Variants in CASD1 observed in about 807,000 individuals in gnomAD.
The protein encoded by CASD1 is CAS1 domain sialic acid O acetyltransferase 1, also known as N-acetylneuraminate (7)9-O-acetyltransferase.
Under a neutral mutation model 100.0 loss-of-function variants are expected in CASD1, and 41 were observed. The ratio of observed to expected loss-of-function variants is 0.41; its 90% CI spans 0.32 to 0.53. The LOEUF is 0.53. CASD1 is among the 20% of genes least tolerant of loss of function. CASD1 has a pLI of 0.25. For synonymous variants in CASD1, 321 were observed against 315.6 expected (o/e 1.02, Z -0.18); for missense variants, 774 against 948.7 (o/e 0.82, Z 2.42).
intron 3 of CASD1, among the ~76,000 whole-genome samples, chr7:94,525,249 A>C (rs537554460): frequency 1.3e-5 from 2 of 152,232 alleles, no homozygotes; most frequent in Non-Finnish European, 2.9e-5. Context: ...TTTAAAATTG[A>C]AAGTTGGAGA....
Position 94,555,719 on chromosome 7 carries a change from C to T in CASD1, c.2355C>T (p.Leu785=), listed in dbSNP as rs749147628. 1 of 1,613,074 alleles carries T rather than the reference C, an allele frequency of 6.2e-7. No homozygotes were observed. Among genetic ancestry groups the T allele is most frequent in the Non-Finnish European group, 8.5e-7 (1 of 1,179,480 alleles). The change falls in exon 18 of 18, where the codon CTC becomes CTT. Residue 785 remains leucine (L), a synonymous_variant. Transcript: ENST00000297273. ...LACIAAFFCG[L]LILSSIQDKS... Reference sequence around the variant, plus strand: ...GTATAGCTGCATTTTTTTGTGGACTCCTCATCTTATCATCCATTCAAGATA... The same window carrying T: ...GTATAGCTGCATTTTTTTGTGGACTTCTCATCTTATCATCCATTCAAGATA...
downstream of CASD1, among the ~76,000 whole-genome samples, chr7:94,560,460 G>A (rs1374937590): frequency 1.3e-5 from 2 of 152,152 alleles, no homozygotes; most frequent in East Asian, 3.9e-4. Context: ...TGGAACTGGA[G>A]CCCTTTCTCA....
chr7:94,563,865 C>T, the CASD1 span, among the ~76,000 whole-genome samples: 6 of 152,142 alleles, frequency 3.9e-5, no homozygotes, highest in African/African-American at 1.4e-4. Flanking sequence ...CATGTCTTGT[C>T]ATAGCCCTGA....
chr7:94,590,598 A>C, the CASD1 span: 2 of 152,206 alleles, frequency 1.3e-5, no homozygotes, highest in Non-Finnish European at 2.9e-5. Flanking sequence ...TTTGTAATAA[A>C]GTTTGATCCA....
the CASD1 span, chr7:94,588,306 C>A: frequency 9.4e-7 from 1 of 1,069,016 alleles, no homozygotes. Context: ...CAATGGTTTC[C>A]TTTTGTAAGA....
the CASD1 span, among the ~76,000 whole-genome samples, chr7:94,596,039 A>G: frequency 2.0e-4 from 30 of 152,252 alleles, no homozygotes; most frequent in Admixed American, 5.9e-4. Context: ...GAGCTTTTCC[A>G]TTAGCAGAAA....
At chr7:94,616,816 G>A in the CASD1 span, 4 of 152,098 alleles carry the variant, frequency 2.6e-5, no homozygotes, top group African/African-American at 9.7e-5. Context: ...AGACACACTG[G>A]AGTAATAGAG....
Position 94,555,942 on chromosome 7 carries a change from G to A in CASD1, c.*184G>A. Reference sequence around the variant, plus strand: ...TATTGGAAATGTACATATCCAATATGAAATACTAAAACAAACAAACAAACA... The same window carrying A: ...TATTGGAAATGTACATATCCAATATAAAATACTAAAACAAACAAACAAACA... On this transcript the variant is annotated 3_prime_UTR_variant, in exon 18 of 18. Coordinates refer to ENST00000297273, the MANE Select transcript of CASD1 (RefSeq NM_022900.5). 1.7e-6 allele frequency: 1 copy of A among 579,162 alleles called. No individual in the cohort carries two copies. Among genetic ancestry groups the A allele is most frequent in the Non-Finnish European group, 2.9e-6 (1 of 343,330 alleles). The allele number at this position is 579,162 out of a possible 1,614,324, so 35.9% of individuals were successfully genotyped here.
intron 14 of CASD1, among the ~76,000 whole-genome samples, chr7:94,549,931 A>G (rs1013452474): frequency 5.3e-5 from 8 of 152,096 alleles, no homozygotes; most frequent in Admixed American, 3.3e-4. Flanking sequence ...TGCTTCAGCC[A>G]TTCAAAACAA....
intron 17 of CASD1, among the ~76,000 whole-genome samples, chr7:94,554,848 A>G (rs569654530): frequency 6.6e-6 from 1 of 152,266 alleles, no homozygotes; most frequent in South Asian, 2.1e-4. Context: ...TTCAAGCACA[A>G]CCAAGATGCT....
chr7:94,598,873 T>C, the CASD1 span: 2 of 1,613,304 alleles, frequency 1.2e-6, no homozygotes, highest in East Asian at 2.2e-5. Flanking sequence ...CAGGAAGCGT[T>C]GACAGGGGCC....
At chr7:94,601,233 A>G in the CASD1 span, among the ~76,000 whole-genome samples, 7 of 152,000 alleles carry the variant, frequency 4.6e-5, no homozygotes, top group Admixed American at 4.6e-4. Context: ...TCAAGTGCAG[A>G]TTTTACCAAA....
the CASD1 span, among the ~76,000 whole-genome samples, chr7:94,633,935 T>A: frequency 6.6e-6 from 1 of 152,178 alleles, no homozygotes; most frequent in Non-Finnish European, 1.5e-5. Context: ...TTGCCAGTTC[T>A]TTTTCTGCAT....
intron 8 of CASD1, among the ~76,000 whole-genome samples, chr7:94,536,917 TC>T (rs1195790495): frequency 6.6e-6 from 1 of 152,194 alleles, no homozygotes; most frequent in Non-Finnish European, 1.5e-5. Context: ...TAAACTGTAA[TC>T]CAAATGAAAG....
chr7:94,614,682 TGTA>T, the CASD1 span, among the ~76,000 whole-genome samples: 1 of 152,150 alleles, frequency 6.6e-6, no homozygotes, highest in Non-Finnish European at 1.5e-5. Context: ...GGTGTAGAAA[TGTA>T]GTGAGAGAGG....
the CASD1 span, among the ~76,000 whole-genome samples, chr7:94,582,030 A>C: frequency 4.6e-5 from 7 of 152,252 alleles, no homozygotes; most frequent in East Asian, 1.4e-3. Flanking sequence ...CAACCTTGCC[A>C]GCATCTGTTA....
At chr7:94,610,704 A>G in the CASD1 span, among the ~76,000 whole-genome samples, 1 of 152,210 alleles carries the variant, frequency 6.6e-6, no homozygotes, top group Admixed American at 6.5e-5. Context: ...CACCATTAAG[A>G]AAAGTGAAGA....
intron 16 of CASD1, among the ~76,000 whole-genome samples, chr7:94,553,667 C>T (rs1350550824): frequency 3.9e-5 from 6 of 152,020 alleles, no homozygotes; most frequent in Admixed American, 6.6e-5. Flanking sequence ...AAGGAGGGTA[C>T]ATTCTAAGGC....
intron 5 of CASD1, among the ~76,000 whole-genome samples, chr7:94,530,216 G>A (rs1794779758): frequency 6.6e-6 from 1 of 152,162 alleles, no homozygotes; most frequent in Non-Finnish European, 1.5e-5. Context: ...GGTCTTGAAG[G>A]TGAGTGTGGG....
Sources: allele counts gnomAD v4.1 joint callset (sites outside exome capture counted in the v4.1 genomes callset), GRCh38; gene constraint gnomAD v4.1.1; transcripts MANE v1.5; gene names NCBI Gene and HGNC (gene_info 2026-07-23, HGNC 2026-07-21).